The following THNSL1 variants were observed in gnomAD, a reference collection of about 807,000 sequenced individuals.
The protein encoded by THNSL1 is threonine synthase-like 1.
A neutral mutation model predicts 50.4 loss-of-function variants in THNSL1; 48 were observed. That is an observed-to-expected ratio of 0.95 (90% CI 0.76 to 1.21). THNSL1 has a LOEUF of 1.21. Among genes scored for constraint, THNSL1 ranks in the 50% most tolerant of loss-of-function variants. The pLI, the probability that THNSL1 is intolerant of heterozygous loss-of-function variation, is 0.00. For synonymous variants in THNSL1, 309 were observed against 306.1 expected, an observed-to-expected ratio of 1.01 and a Z score of -0.10; for missense variants, 896 against 871.7, an observed-to-expected ratio of 1.03 and a Z score of -0.35.
At chr10:24,988,358 G>GTA in the THNSL1 span, among the ~76,000 whole-genome samples, 1 of 140,772 alleles carries the variant, frequency 7.1e-6, no homozygotes, top group African/African-American at 2.6e-5. Context: ...TTATATATGT[G>GTA]TATATATATT....
the THNSL1 span, among the ~76,000 whole-genome samples, chr10:24,973,881 G>C: frequency 5.3e-5 from 8 of 152,146 alleles, no homozygotes; most frequent in Non-Finnish European, 1.0e-4. Flanking sequence ...AGCCCCCTGA[G>C]TAGCTGGGAT....
the THNSL1 span, among the ~76,000 whole-genome samples, chr10:25,008,277 T>G: frequency 6.6e-6 from 1 of 152,180 alleles, no homozygotes; most frequent in East Asian, 1.9e-4. Context: ...AGTCTAGACT[T>G]TCTTTGAATA....
chr10:25,023,846 C>G lies in THNSL1; in HGVS notation c.623C>G (p.Ser208Cys). 1 of 1,614,138 alleles carries G rather than the reference C, an allele frequency of 6.2e-7. No homozygotes were observed. Reference protein sequence around the residue: ...DARVFCESGASPEEVADKVLN... With the variant: ...DARVFCESGACPEEVADKVLN... ...CGTGTTTTCTGTGAAAGTGGGGCTTCCCCAGAGGAGGTAGCTGACAAAGTG... is the reference window on the plus strand; with the variant it reads ...CGTGTTTTCTGTGAAAGTGGGGCTTGCCCAGAGGAGGTAGCTGACAAAGTG... Residue 208 changes from serine to cysteine, a missense_variant, in exon 3 of 3, where the codon TCC (serine) becomes TGC (cysteine). By Grantham distance (112) the Ser-to-Cys change is moderately radical (BLOSUM62 -1). Transcript: ENST00000376356.
At chr10:24,997,857 A>G in the THNSL1 span, among the ~76,000 whole-genome samples, 1 of 150,310 alleles carries the variant, frequency 6.7e-6, no homozygotes, top group Non-Finnish European at 1.5e-5. Context: ...TTAACCCTAG[A>G]GAGGCTATAT....
the THNSL1 span, among the ~76,000 whole-genome samples, chr10:24,967,294 A>G: frequency 6.1e-4 from 93 of 152,204 alleles, no homozygotes; most frequent in South Asian, 7.9e-3. Flanking sequence ...TCATTACTCT[A>G]CATAGTGAAA....
At chr10:24,958,993 A>G in the THNSL1 span, among the ~76,000 whole-genome samples, 8 of 152,240 alleles carry the variant, frequency 5.3e-5, no homozygotes, top group African/African-American at 1.9e-4. Flanking sequence ...ACTAGGGACT[A>G]AGCAGTAAAT....
the THNSL1 span, among the ~76,000 whole-genome samples, chr10:24,981,547 T>C: frequency 2.6e-5 from 4 of 152,206 alleles, no homozygotes; most frequent in African/African-American, 4.8e-5. Flanking sequence ...TGGGAAATTC[T>C]ATTGATGGTA....
chr10:24,961,261 A>G, the THNSL1 span, among the ~76,000 whole-genome samples: 6 of 152,206 alleles, frequency 3.9e-5, no homozygotes, highest in East Asian at 1.2e-3. Flanking sequence ...CATATAACAC[A>G]AGTGTTTTTC....
chr10:25,025,266 T>C lies in THNSL1; in HGVS notation c.2043T>C (p.Ile681=). Residue 681 remains isoleucine, a synonymous_variant, in exon 3 of 3, where the codon ATT becomes ATC. Transcript: ENST00000376356. ...CTGCTATCATGCAGGCTTTAAAGATTAAAGAAATCAATGAGACTTCATCAA... is the reference window on the plus strand; with the variant it reads ...CTGCTATCATGCAGGCTTTAAAGATCAAAGAAATCAATGAGACTTCATCAA... ...FAPAIMQALK[I]KEINETSSSQ... is the part of the protein sequence containing the mutation. The C allele has an allele frequency of 6.2e-7, 1 of 1,614,168 alleles. No individual in the cohort carries two copies. Among genetic ancestry groups the C allele is most frequent in the African/African-American group, 1.3e-5 (1 of 75,050 alleles).
the THNSL1 span, among the ~76,000 whole-genome samples, chr10:24,977,628 AT>A: frequency 6.6e-6 from 1 of 152,246 alleles, no homozygotes; most frequent in African/African-American, 2.4e-5. Context: ...ATATGTATTA[AT>A]AAAAAAATGA....
chr10:24,975,794 G>T, the THNSL1 span, among the ~76,000 whole-genome samples: 1 of 152,180 alleles, frequency 6.6e-6, no homozygotes, highest in Admixed American at 6.5e-5. Context: ...GTATCTTTAT[G>T]GCAGTGTGAA....
At chr10:24,957,462 T>C in the THNSL1 span, among the ~76,000 whole-genome samples, 1 of 121,738 alleles carries the variant, frequency 8.2e-6, no homozygotes, top group Non-Finnish European at 1.6e-5. Flanking sequence ...TATTTTGAGT[T>C]GATGTTTGTT....
At chr10:24,972,522 A>AT in the THNSL1 span, among the ~76,000 whole-genome samples, 2,430 of 150,128 alleles carry the variant, frequency 0.016, 74 homozygotes, top group African/African-American at 0.049. Flanking sequence ...AAAAAAAAAT[A>AT]AATAATAATA....
chr10:24,994,048 T>C, the THNSL1 span, among the ~76,000 whole-genome samples: 189 of 152,280 alleles, frequency 1.2e-3, no homozygotes, highest in Middle Eastern at 6.8e-3. Context: ...AGTAACTTTA[T>C]TGGCTTATCC....
At chr10:24,955,094 C>T in the THNSL1 span, among the ~76,000 whole-genome samples, 1 of 152,152 alleles carries the variant, frequency 6.6e-6, no homozygotes, top group Non-Finnish European at 1.5e-5. Flanking sequence ...AGGAAATTTA[C>T]AATCATGGCA....
At chr10:24,957,402 A>G in the THNSL1 span, among the ~76,000 whole-genome samples, 1 of 152,108 alleles carries the variant, frequency 6.6e-6, no homozygotes, top group East Asian at 1.9e-4. Flanking sequence ...TGTTTCCACT[A>G]TGTTTTTTTT....
At chr10:24,983,386 G>C in the THNSL1 span, 1 of 152,214 alleles carries the variant, frequency 6.6e-6, no homozygotes, top group South Asian at 2.1e-4. Context: ...AAGGGTTCCT[G>C]CTGACCTGCT....
At chr10:24,973,220 C>T in the THNSL1 span, among the ~76,000 whole-genome samples, 4 of 152,048 alleles carry the variant, frequency 2.6e-5, no homozygotes, top group Non-Finnish European at 5.9e-5. Flanking sequence ...TACTCCTGCA[C>T]TTTGGAGACA....
At chr10:24,968,746 A>G in the THNSL1 span, among the ~76,000 whole-genome samples, 1 of 152,212 alleles carries the variant, frequency 6.6e-6, no homozygotes, top group African/African-American at 2.4e-5. Context: ...AATTGTTCGA[A>G]AACCCATAAT....
Sources: allele counts gnomAD v4.1 joint callset (sites outside exome capture counted in the v4.1 genomes callset), GRCh38; gene constraint gnomAD v4.1.1; transcripts MANE v1.5; gene names NCBI Gene and HGNC (gene_info 2026-07-23, HGNC 2026-07-21).